The following GPC6 variants were observed in gnomAD, a reference collection of about 807,000 sequenced individuals.
GPC6 encodes glypican-6.
A neutral mutation model predicts 55.2 loss-of-function variants in GPC6; 14 were observed. That is an observed-to-expected ratio of 0.25 (90% CI 0.17 to 0.40). The LOEUF (loss-of-function observed/expected upper bound fraction) is 0.40. GPC6 is among the 10% of genes least tolerant of loss of function. GPC6 has a pLI of 1.00. For missense variants in GPC6, 641 were observed against 708.5 expected (o/e 0.90, Z 1.08); for synonymous variants, 278 against 259.6 (o/e 1.07, Z -0.68).
At chr13:93,368,370 TTCCTTCCTTCCTTCCTTCCG>T (rs1229706807) in intron 1 of GPC6, among the ~76,000 whole-genome samples, 19 of 124,600 alleles carry the variant, frequency 1.5e-4, no homozygotes, top group East Asian at 7.5e-4. Flanking sequence ...CCTTCCTTCC[TTCCTTCCTTCCTTCCTTCCG>T]TCCTTCCTTC....
chr13:93,718,146 A>G (rs917228216), intron 2 of GPC6, among the ~76,000 whole-genome samples: 1 of 151,920 alleles, frequency 6.6e-6, no homozygotes, highest in Non-Finnish European at 1.5e-5. Context: ...TTGCTGGGTC[A>G]AATGGTATTT....
chr13:93,626,249 G>A (rs1323310473), intron 2 of GPC6, among the ~76,000 whole-genome samples: 1 of 152,246 alleles, frequency 6.6e-6, no homozygotes, highest in African/African-American at 2.4e-5. Flanking sequence ...TTAAATATGA[G>A]ACGTCTTGTT....
intron 2 of GPC6, among the ~76,000 whole-genome samples, chr13:93,608,299 T>C (rs1878328299): frequency 6.6e-6 from 1 of 152,198 alleles, no homozygotes. Flanking sequence ...TGTTGTATTA[T>C]TTTTCATTCC....
At chr13:93,994,424 G>A (rs1044153610) in intron 3 of GPC6, among the ~76,000 whole-genome samples, 3 of 152,086 alleles carry the variant, frequency 2.0e-5, no homozygotes, top group Non-Finnish European at 4.4e-5. Context: ...TTGTGGATTG[G>A]TTATTTGTTC....
intron 2 of GPC6, among the ~76,000 whole-genome samples, chr13:93,623,773 A>G (rs1396982070): frequency 6.6e-6 from 1 of 151,914 alleles, no homozygotes; most frequent in Non-Finnish European, 1.5e-5. Flanking sequence ...GGTCTTTTTG[A>G]TAAAGCCATT....
intron 1 of GPC6, among the ~76,000 whole-genome samples, chr13:93,355,416 T>C (rs1880810516): frequency 6.6e-6 from 1 of 152,106 alleles, no homozygotes; most frequent in African/African-American, 2.4e-5. Context: ...TCAGGAAGGG[T>C]TTTTATGGAA....
At position 94,132,485 on chromosome 13, in the gene GPC6, G is replaced by A. The variant is rs1295875853; in HGVS notation, c.877+104591G>A. On this transcript the variant is annotated intron_variant, in intron 4 of 8. Coordinates refer to ENST00000377047, the MANE Select transcript of GPC6 (RefSeq NM_005708.5). ...AGACGCTGTAGCCTCATGGAACAGGGCATTTTCTCCACCTGTGGACTTGTT... is the reference window on the plus strand; with the variant it reads ...AGACGCTGTAGCCTCATGGAACAGGACATTTTCTCCACCTGTGGACTTGTT... Among the ~76,000 whole-genome samples, 7 of 152,254 alleles carry A rather than the reference G, an allele frequency of 4.6e-5. No homozygotes were observed. In the East Asian group the frequency reaches 1.2e-3, roughly 25 times the overall value.
chr13:93,751,240 C>T (rs1739006882), intron 2 of GPC6, among the ~76,000 whole-genome samples: 1 of 152,090 alleles, frequency 6.6e-6, no homozygotes, highest in Admixed American at 6.5e-5. Flanking sequence ...GAGGCAGACT[C>T]AGGTTTTCTC....
chr13:94,245,367 T>G (rs1333150456), intron 4 of GPC6, among the ~76,000 whole-genome samples: 1 of 151,532 alleles, frequency 6.6e-6, no homozygotes, highest in Non-Finnish European at 1.5e-5. Context: ...GAGACCAAAC[T>G]GGGTAACATA....
chr13:93,932,723 T>C (rs774826762), intron 3 of GPC6, among the ~76,000 whole-genome samples: 3 of 152,140 alleles, frequency 2.0e-5, no homozygotes, highest in Non-Finnish European at 4.4e-5. Context: ...GCCCAGTTAC[T>C]TAAAGTTTCT....
At chr13:93,733,214 A>G (rs1213041701) in intron 2 of GPC6, among the ~76,000 whole-genome samples, 4 of 152,164 alleles carry the variant, frequency 2.6e-5, no homozygotes, top group Non-Finnish European at 5.9e-5. Context: ...AAAATATGAA[A>G]GAATCATCTG....
chr13:94,272,674 T>G (rs1054445821), intron 4 of GPC6, among the ~76,000 whole-genome samples: 6 of 151,904 alleles, frequency 3.9e-5, no homozygotes, highest in African/African-American at 1.5e-4. Context: ...TTCACCGTGT[T>G]AGCCAGGATG....
At chr13:94,095,795 T>C (rs1455560435) in intron 4 of GPC6, among the ~76,000 whole-genome samples, 1 of 152,078 alleles carries the variant, frequency 6.6e-6, no homozygotes, top group Non-Finnish European at 1.5e-5. Context: ...ATTCCAGTAA[T>C]GCATTAAATT....
chr13:94,294,669 G>A (rs748227201), intron 5 of GPC6, among the ~76,000 whole-genome samples: 2 of 151,358 alleles, frequency 1.3e-5, no homozygotes, highest in Non-Finnish European at 2.9e-5. Flanking sequence ...CTTTCAAAAT[G>A]TTCGGGGAAA....
intron 3 of GPC6, among the ~76,000 whole-genome samples, chr13:93,843,281 C>G (rs868151009): frequency 1.9e-4 from 29 of 152,224 alleles, no homozygotes; most frequent in Admixed American, 3.9e-4. Flanking sequence ...GCCTGACTCA[C>G]TTTTCACTCT....
rs1232322848 is a variant in GPC6, at chr13:93,830,317, C to T, written c.483C>T (p.Leu161=). ...GTAATGTGAATCTGGAGGAAATGCT[C>T]AATGACTTTTGGGCTCGGCTCCTGG... ...TGGNVNLEEM[L]NDFWARLLER... Residue 161 remains leucine (L), a synonymous_variant, in exon 3 of 9, where the codon CTC becomes CTT. Coordinates refer to ENST00000377047, the MANE Select transcript of GPC6 (RefSeq NM_005708.5). 5.0e-6 allele frequency: 8 copies of T among 1,613,868 alleles called. No individual in the cohort carries two copies. In the African/African-American group the frequency reaches 9.3e-5, roughly 19 times the overall value.
intron 3 of GPC6, among the ~76,000 whole-genome samples, chr13:93,859,960 C>T (rs967685367): frequency 2.6e-5 from 4 of 151,694 alleles, no homozygotes; most frequent in Non-Finnish European, 5.9e-5. Flanking sequence ...AATACTGGGA[C>T]CTTCTGTGCC....
chr13:93,953,943 G>C (rs192439357), intron 3 of GPC6, among the ~76,000 whole-genome samples: 2 of 152,224 alleles, frequency 1.3e-5, no homozygotes, highest in East Asian at 3.9e-4. Context: ...GTTTTAAAGT[G>C]TACAATTCAC....
intron 3 of GPC6, among the ~76,000 whole-genome samples, chr13:93,937,839 A>G (rs1372033353): frequency 1.3e-5 from 2 of 152,174 alleles, no homozygotes; most frequent in Admixed American, 1.3e-4. Context: ...TTGGCCTCCC[A>G]AAGTGCTGGG....
Sources: gnomAD v4.1 joint callset for allele counts (sites outside exome capture counted in the v4.1 genomes callset) on GRCh38, gnomAD v4.1.1 for gene constraint, MANE v1.5 for transcripts, NCBI Gene and HGNC (gene_info 2026-07-23, HGNC 2026-07-21) for gene names.